The following HTR4 variants were observed in gnomAD, a reference collection of about 807,000 sequenced individuals.
The protein encoded by HTR4 is 5-hydroxytryptamine (serotonin) receptor 4, G protein-coupled.
HTR4 carries 16 observed loss-of-function variants against 36.8 expected under a neutral mutation model. That is an observed-to-expected ratio of 0.43 (90% confidence interval 0.29 to 0.66). The LOEUF is 0.66. Among genes scored for constraint, HTR4 ranks in the 30% least tolerant of loss-of-function variants. HTR4 has a pLI of 0.13. For synonymous variants in HTR4, 189 were observed against 185.1 expected (o/e 1.02, Z -0.17); for missense variants, 438 against 490.9 (o/e 0.89, Z 1.02).
intron 6 of HTR4, among the ~76,000 whole-genome samples, chr5:148,492,336 C>T (rs531826202): frequency 9.2e-5 from 14 of 152,128 alleles, no homozygotes; most frequent in Non-Finnish European, 1.6e-4. Flanking sequence ...AATAACAGCC[C>T]CAACTGTTCA....
intron 2 of HTR4, among the ~76,000 whole-genome samples, chr5:148,606,894 C>T (rs1056257499): frequency 2.0e-5 from 3 of 152,152 alleles, no homozygotes; most frequent in Middle Eastern, 3.2e-3. Context: ...GATTTGGATT[C>T]TTTACCGTGA....
chr5:148,480,675 C>T (rs540537532), downstream of HTR4, among the ~76,000 whole-genome samples: 14 of 152,292 alleles, frequency 9.2e-5, no homozygotes, highest in Admixed American at 5.9e-4. Flanking sequence ...CCAAGGGGTG[C>T]TCCTAGAATA....
intron 6 of HTR4, among the ~76,000 whole-genome samples, chr5:148,486,865 G>T (rs1756183229): frequency 6.6e-6 from 1 of 152,168 alleles, no homozygotes; most frequent in Non-Finnish European, 1.5e-5. Flanking sequence ...TATTTGGGTA[G>T]GATAGGATAG....
intron 4 of HTR4, 29 bp from the exon 5 acceptor site, chr5:148,523,375 G>C (rs79129596): frequency 0.046 from 72,443 of 1,567,332 alleles, 2,120 homozygotes; most frequent in Non-Finnish European, 0.056. Context: ...GCAGAGCATA[G>C]GCATGGGCAA....
intron 6 of HTR4, among the ~76,000 whole-genome samples, chr5:148,503,979 C>A (rs1021427036): frequency 6.6e-6 from 1 of 152,164 alleles, no homozygotes; most frequent in Non-Finnish European, 1.5e-5. Context: ...TACAGGCGGA[C>A]CCAGATTCAA....
chr5:148,654,187 CGCCCCCTCGGGTGCGGGCTCCA>C lies in HTR4; in HGVS notation c.-195_-174del, dbSNP rs1754126146. On this transcript the variant is annotated 5_prime_UTR_variant, in exon 1 of 7. Coordinates refer to ENST00000377888, the MANE Select transcript of HTR4 (RefSeq NM_000870.7). ...CAGCCGCTGCCTGCGCCCTCCCTGC[CGCCCCCTCGGGTGCGGGCTCCA>C]GCCCCCGCGCTGGGGAGCCGGCGAG... 1.1e-5 allele frequency: 11 copies of C among 985,480 alleles called. No homozygotes were observed. The highest frequency in any genetic ancestry group is 1.3e-5 in the Non-Finnish European group (11 of 829,976). 61.0% of individuals were successfully genotyped at this position (985,480 alleles called of 1,614,324 possible).
chr5:148,480,593 C>G (rs1019701040), downstream of HTR4, among the ~76,000 whole-genome samples: 9 of 152,138 alleles, frequency 5.9e-5, no homozygotes, highest in African/African-American at 1.9e-4. Context: ...TGGCCAGGCT[C>G]GAACTCCTGA....
intron 2 of HTR4, among the ~76,000 whole-genome samples, chr5:148,603,830 T>C (rs1752023021): frequency 6.6e-6 from 1 of 152,038 alleles, no homozygotes; most frequent in Admixed American, 6.5e-5. Flanking sequence ...GTGATATTGG[T>C]ATAAGAGTTG....
downstream of HTR4, among the ~76,000 whole-genome samples, chr5:148,480,555 CT>C (rs1225695373): frequency 1.3e-5 from 2 of 152,114 alleles, no homozygotes; most frequent in Non-Finnish European, 2.9e-5. Context: ...ATTTTTGTAG[CT>C]TTAGTAGAGA....
chr5:148,451,182 CAATCAG>C (rs1412984060), exon 6 of HTR4: 2 of 1,613,734 alleles, frequency 1.2e-6, no homozygotes, highest in Middle Eastern at 1.7e-4. Flanking sequence ...GCCATGTCCT[CAATCAG>C]AAGCATGATT....
intron 4 of HTR4, among the ~76,000 whole-genome samples, chr5:148,530,313 G>C (rs534474533): frequency 7.9e-5 from 12 of 152,078 alleles, no homozygotes; most frequent in Non-Finnish European, 1.8e-4. Context: ...TGGAAGCCTA[G>C]GAGAAAAAAT....
intron 2 of HTR4, among the ~76,000 whole-genome samples, chr5:148,624,359 A>G (rs1156936224): frequency 1.3e-5 from 2 of 152,182 alleles, no homozygotes; most frequent in African/African-American, 2.4e-5. Context: ...GCACCTCAAT[A>G]TGAAATGCAG....
At chr5:148,531,511 C>T (rs1758565840) in intron 4 of HTR4, among the ~76,000 whole-genome samples, 1 of 152,118 alleles carries the variant, frequency 6.6e-6, no homozygotes, top group South Asian at 2.1e-4. Flanking sequence ...TCCATTAAAC[C>T]TCTTTCTTTT....
At chr5:148,493,688 AG>A (rs1349456511) in intron 6 of HTR4, among the ~76,000 whole-genome samples, 2 of 152,208 alleles carry the variant, frequency 1.3e-5, no homozygotes, top group Admixed American at 1.3e-4. Context: ...TGAAAAAAAA[AG>A]AAAGGCTTTA....
chr5:148,452,702 C>A (rs767741745), intron 5 of HTR4, among the ~76,000 whole-genome samples: 10 of 152,170 alleles, frequency 6.6e-5, no homozygotes, highest in Non-Finnish European at 1.5e-4. Context: ...ACAGAACCGT[C>A]CACCGCAGCT....
chr5:148,573,127 C>T (rs888410941), intron 2 of HTR4, among the ~76,000 whole-genome samples: 1 of 151,816 alleles, frequency 6.6e-6, no homozygotes, highest in East Asian at 2.0e-4. Flanking sequence ...GTGGCTGGAT[C>T]CTAGTCAGGG....
chr5:148,561,369 C>T (rs1760198512), intron 2 of HTR4, among the ~76,000 whole-genome samples: 1 of 151,222 alleles, frequency 6.6e-6, no homozygotes, highest in African/African-American at 2.4e-5. Flanking sequence ...GATAGATAGG[C>T]AAGGTGAGAT....
chr5:148,610,571 T>A (rs1174164418), intron 2 of HTR4, among the ~76,000 whole-genome samples: 1 of 151,588 alleles, frequency 6.6e-6, no homozygotes, highest in Non-Finnish European at 1.5e-5. Context: ...ACCACAAAGA[T>A]GGGGAAAAAA....
At chr5:148,516,019 GAC>G (rs1297786165) in intron 5 of HTR4, among the ~76,000 whole-genome samples, 12 of 149,270 alleles carry the variant, frequency 8.0e-5, no homozygotes, top group South Asian at 4.2e-4. Flanking sequence ...TATATGTATG[GAC>G]ACACACACAT....
Sources: allele counts gnomAD v4.1 joint callset (sites outside exome capture counted in the v4.1 genomes callset), GRCh38; gene constraint gnomAD v4.1.1; transcripts MANE v1.5; gene names NCBI Gene and HGNC (gene_info 2026-07-23, HGNC 2026-07-21).